PRP4K: variants seen among roughly 807,000 people sequenced by gnomAD.
PRP4K encodes the protein serine/threonine-protein kinase PRP4 homolog.
At chr6:4,024,101 G>A in the PRP4K span, among the ~76,000 whole-genome samples, 3 of 152,102 alleles carry the variant, frequency 2.0e-5, no homozygotes, top group African/African-American at 4.8e-5. Context: ...TCCTGACCTC[G>A]TGATCCGCCC....
the PRP4K span, among the ~76,000 whole-genome samples, chr6:4,022,623 C>T: frequency 1.3e-5 from 2 of 152,180 alleles, no homozygotes; most frequent in Admixed American, 6.5e-5. Context: ...CAGTTTTGGG[C>T]TCCTCAATCA....
chr6:4,043,848 T>G, the PRP4K span: 1 of 1,614,210 alleles, frequency 6.2e-7, no homozygotes, highest in East Asian at 2.2e-5. Flanking sequence ...GCAACATGTC[T>G]GTGCCATCTG....
the PRP4K span, among the ~76,000 whole-genome samples, chr6:4,046,217 T>C: frequency 6.6e-6 from 1 of 152,222 alleles, no homozygotes; most frequent in East Asian, 1.9e-4. Flanking sequence ...TATTACCAAA[T>C]TCCACTCTTT....
At chr6:4,033,850 T>C in the PRP4K span, among the ~76,000 whole-genome samples, 1 of 152,130 alleles carries the variant, frequency 6.6e-6, no homozygotes, top group Admixed American at 6.5e-5. Context: ...TTCCTTTGGC[T>C]TCCTGGATTG....
the PRP4K span, among the ~76,000 whole-genome samples, chr6:4,045,573 TAA>T: frequency 6.6e-6 from 1 of 152,260 alleles, no homozygotes; most frequent in African/African-American, 2.4e-5. Flanking sequence ...ATTGCCAATT[TAA>T]AATTGAGATT....
the PRP4K span, among the ~76,000 whole-genome samples, chr6:4,037,035 G>T: frequency 6.7e-6 from 1 of 150,236 alleles, no homozygotes; most frequent in Non-Finnish European, 1.5e-5. Context: ...ATGTCAGGAT[G>T]TAGAAAGAAA....
At chr6:4,059,573 G>A in the PRP4K span, among the ~76,000 whole-genome samples, 3 of 152,300 alleles carry the variant, frequency 2.0e-5, no homozygotes, top group East Asian at 5.8e-4. Context: ...CTTCAAGGTA[G>A]GGAAAGTACA....
At chr6:4,025,783 A>G in the PRP4K span, among the ~76,000 whole-genome samples, 1 of 152,216 alleles carries the variant, frequency 6.6e-6, no homozygotes, top group African/African-American at 2.4e-5. Flanking sequence ...TGTTAGCATT[A>G]GAAAAGATAA....
At chr6:4,057,003 C>G in the PRP4K span, 8 of 1,509,214 alleles carry the variant, frequency 5.3e-6, no homozygotes, top group Non-Finnish European at 7.2e-6. Context: ...TTTTCTCTAT[C>G]CTCGTATATT....
the PRP4K span, chr6:4,056,557 A>C: frequency 2.5e-6 from 4 of 1,599,890 alleles, no homozygotes. Flanking sequence ...TGAGGAAGGG[A>C]ACCATAGCAA....
At chr6:4,024,159 C>CGAGCCATGCCTAGCTAATTTTT in the PRP4K span, among the ~76,000 whole-genome samples, 11 of 152,044 alleles carry the variant, frequency 7.2e-5, no homozygotes, top group African/African-American at 2.7e-4. Context: ...GCTACCGTGC[C>CGAGCCATGCCTAGCTAATTTTT]GAGCCATGCC....
chr6:4,056,949 TAGCC>T, the PRP4K span: 3 of 1,320,428 alleles, frequency 2.3e-6, no homozygotes, highest in Non-Finnish European at 3.1e-6. Flanking sequence ...CAAGCTAAGG[TAGCC>T]AGCCCCTCAT....
the PRP4K span, among the ~76,000 whole-genome samples, chr6:4,021,962 G>A: frequency 4.6e-5 from 7 of 152,228 alleles, no homozygotes; most frequent in South Asian, 1.5e-3. Context: ...CGGAGGTGCT[G>A]GGGTCACACT....
At chr6:4,024,750 G>A in the PRP4K span, among the ~76,000 whole-genome samples, 10 of 152,024 alleles carry the variant, frequency 6.6e-5, no homozygotes, top group East Asian at 1.2e-3. Flanking sequence ...TTACAGGCAC[G>A]CACCACCATG....
chr6:4,050,699 G>A, the PRP4K span: 1 of 153,990 alleles, frequency 6.5e-6, no homozygotes, highest in Non-Finnish European at 1.4e-5. Context: ...TAATGTGTTT[G>A]AAATGTTGGA....
the PRP4K span, among the ~76,000 whole-genome samples, chr6:4,044,860 A>ATTTT: frequency 3.0e-3 from 356 of 119,274 alleles, 4 homozygotes; most frequent in South Asian, 0.022. Context: ...TATTATTATT[A>ATTTT]TTATTTTTTT....
At chr6:4,041,000 A>G in the PRP4K span, 5 of 1,428,238 alleles carry the variant, frequency 3.5e-6, no homozygotes, top group Non-Finnish European at 4.8e-6. Flanking sequence ...AAATTGTTAA[A>G]TAATATCCAC....
At chr6:4,044,443 T>A in the PRP4K span, among the ~76,000 whole-genome samples, 1 of 152,200 alleles carries the variant, frequency 6.6e-6, no homozygotes, top group African/African-American at 2.4e-5. Flanking sequence ...TGTTTATTAT[T>A]TTCTTTATTT....
chr6:4,037,480 G>C, the PRP4K span: 3 of 1,614,046 alleles, frequency 1.9e-6, no homozygotes, highest in Admixed American at 1.7e-5. Flanking sequence ...CCAACCCGAA[G>C]AAGAAGTAGA....
Sources: gnomAD v4.1 joint callset for allele counts (sites outside exome capture counted in the v4.1 genomes callset) on GRCh38, gnomAD v4.1.1 for gene constraint, MANE v1.5 for transcripts, NCBI Gene and HGNC (gene_info 2026-07-23, HGNC 2026-07-21) for gene names.